The following RAD50 variants were observed in gnomAD, a reference collection of about 807,000 sequenced individuals.
The protein encoded by RAD50 is DNA repair protein RAD50.
In RAD50, 132 loss-of-function variants were observed where a neutral mutation model predicts 168.8. The observed-to-expected ratio is 0.78, with a 90% CI of 0.68 to 0.90. RAD50 has a LOEUF of 0.90. Among genes scored for constraint, RAD50 ranks in the 40% least tolerant of loss-of-function variants. The pLI is 0.00. For missense variants in RAD50, 1,347 were observed against 1,534.4 expected (o/e 0.88, Z 2.04); for synonymous variants, 525 against 497.4 (o/e 1.06, Z -0.74).
chr5:132,571,377 A>G (rs1398211123), intron 2 of RAD50, among the ~76,000 whole-genome samples: 1 of 152,238 alleles, frequency 6.6e-6, no homozygotes, highest in African/African-American at 2.4e-5. Context: ...AAGAAACAGT[A>G]GATGCTAAAA....
intron 11 of RAD50, among the ~76,000 whole-genome samples, chr5:132,594,281 G>A (rs945610540): frequency 6.6e-6 from 1 of 152,092 alleles, no homozygotes; most frequent in African/African-American, 2.4e-5. Flanking sequence ...TTACATGGTA[G>A]CTAATGCATC....
intron 2 of RAD50, among the ~76,000 whole-genome samples, chr5:132,565,680 G>A (rs1306850101): frequency 2.0e-5 from 3 of 152,078 alleles, no homozygotes; most frequent in Non-Finnish European, 4.4e-5. Flanking sequence ...GTGGCTTCTT[G>A]CAAGAATGCC....
At chr5:132,630,189 C>T (rs1376223696) in intron 21 of RAD50, among the ~76,000 whole-genome samples, 4 of 151,928 alleles carry the variant, frequency 2.6e-5, no homozygotes, top group East Asian at 1.9e-4. Flanking sequence ...ATTACAGGCG[C>T]CTGCCACCAC....
Position 132,638,241 on chromosome 5 carries a change from C to T in RAD50, c.3618+18C>T. 6.2e-7 allele frequency: 1 copy of T among 1,613,970 alleles called. No homozygotes were observed. The highest frequency in any genetic ancestry group is 1.1e-5 in the South Asian group (1 of 91,060). ...GACAAAAGGCAGGTATCTCAAAAGCCTGGGGAGCCAACTCACCCAAGTAAC... is the reference window on the plus strand; with the variant it reads ...GACAAAAGGCAGGTATCTCAAAAGCTTGGGGAGCCAACTCACCCAAGTAAC... On this transcript the variant is annotated intron_variant, in intron 23 of 24. Transcript: ENST00000378823.
intron 21 of RAD50, among the ~76,000 whole-genome samples, chr5:132,624,041 ATAAAT>A (rs1367683163): frequency 3.3e-5 from 5 of 152,244 alleles, no homozygotes; most frequent in South Asian, 2.1e-4. Flanking sequence ...TTTTTTAAAA[ATAAAT>A]TATACTAAGA....
rs1060501936 is a variant in RAD50 at position 132,603,989 on chromosome 5, C to T, written c.2467C>T (p.Arg823Ter). Residue 823 changes from arginine to a stop codon, truncating the protein, a stop_gained, in exon 15 of 25, where the codon CGA becomes TGA. Coordinates refer to ENST00000378823, the MANE Select transcript of RAD50 (RefSeq NM_005732.4). LOFTEE classifies it high-confidence loss of function. ...AAKLQGIDLD[R>*]TVQQVNQEKQ... ...TAAGCTACAAGGAATAGACTTAGAT[C>T]GAACTGTCCAACAAGTCAACCAGGA... 6.8e-6 allele frequency: 11 copies of T among 1,613,310 alleles called. No individual in the cohort carries two copies. The highest frequency in any genetic ancestry group is 7.6e-6 in the Non-Finnish European group (9 of 1,179,414).
chr5:132,602,718 T>C (rs2706375), intron 13 of RAD50, among the ~76,000 whole-genome samples: 4,283 of 152,302 alleles, frequency 0.028, 213 homozygotes, highest in African/African-American at 0.098. Flanking sequence ...AACATTGATA[T>C]AATGCTACTA....
chr5:132,595,616 T>C lies in RAD50; in HGVS notation c.2013T>C (p.Thr671=), dbSNP rs1345954274. 1.9e-6 allele frequency: 3 copies of C among 1,614,150 alleles called. No individual in the cohort carries two copies. The highest frequency in any genetic ancestry group is 3.3e-5 in the Admixed American group (2 of 60,032). Residue 671 remains threonine, a synonymous_variant, in exon 13 of 25, where the codon ACT becomes ACC. Coordinates refer to ENST00000378823, the MANE Select transcript of RAD50 (RefSeq NM_005732.4). ...CAGCAGTTTACTCCCAGTTCATTAC[T>C]CAGCTAACAGACGAAAACCAGTCAT... is the stretch of plus-strand genomic sequence containing the variant. ...GATAVYSQFI[T]QLTDENQSCC...
chr5:132,604,997 A>T lies in RAD50; in HGVS notation c.2716A>T (p.Lys906Ter). Residue 906 changes from lysine (K) to a stop codon, truncating the protein, a stop_gained and splice_region_variant, in exon 16 of 25, where the codon AAG becomes TAG. Transcript: ENST00000378823. LOFTEE classifies it high-confidence loss of function. ...AGTTCAGTCTTTGTACAGAGAGATAAAGGTAAGAATATCCATACATGTTTT... is the reference window on the plus strand; with the variant it reads ...AGTTCAGTCTTTGTACAGAGAGATATAGGTAAGAATATCCATACATGTTTT... ...TEVQSLYREI[K>*]DAKEQVSPLE... 6.3e-7 allele frequency: 1 copy of T among 1,598,208 alleles called. No homozygotes were observed. Among genetic ancestry groups the T allele is most frequent in the Non-Finnish European group, 8.6e-7 (1 of 1,166,850 alleles).
At chr5:132,564,497 T>C (rs1750174777) in intron 2 of RAD50, among the ~76,000 whole-genome samples, 1 of 152,184 alleles carries the variant, frequency 6.6e-6, no homozygotes, top group Non-Finnish European at 1.5e-5. Flanking sequence ...TTTCAACATG[T>C]GGCCTGGCTG....
chr5:132,609,476 G>T, intron 19 of RAD50, 80 bp downstream of exon 19: 1 of 1,562,350 alleles, frequency 6.4e-7, no homozygotes, highest in Non-Finnish European at 8.7e-7. Context: ...AAGATCCATT[G>T]AATAGAAATG....
chr5:132,614,450 G>A (rs1751139926), intron 19 of RAD50, among the ~76,000 whole-genome samples: 2 of 151,570 alleles, frequency 1.3e-5, no homozygotes, highest in Admixed American at 6.6e-5. Flanking sequence ...GCCTTTAGTA[G>A]ATACATATTC....
intron 23 of RAD50, among the ~76,000 whole-genome samples, chr5:132,639,809 G>A (rs1209872067): frequency 6.6e-6 from 1 of 152,210 alleles, no homozygotes; most frequent in Admixed American, 6.5e-5. Flanking sequence ...AGACAGGAAG[G>A]AAATGCCTGT....
intron 21 of RAD50, among the ~76,000 whole-genome samples, chr5:132,619,552 A>C (rs1751238727): frequency 6.6e-6 from 1 of 151,688 alleles, no homozygotes; most frequent in African/African-American, 2.4e-5. Context: ...GGTGTGAGGC[A>C]TTGTTCCTGG....
At chr5:132,622,554 G>C (rs1386972886) in intron 21 of RAD50, among the ~76,000 whole-genome samples, 2 of 152,034 alleles carry the variant, frequency 1.3e-5, no homozygotes, top group Non-Finnish European at 2.9e-5. Flanking sequence ...CAAAGTGCTA[G>C]GATTACAGAT....
At chr5:132,596,461 T>C (rs747186997) in intron 13 of RAD50, among the ~76,000 whole-genome samples, 54 of 152,350 alleles carry the variant, frequency 3.5e-4, no homozygotes, top group Middle Eastern at 3.4e-3. Context: ...TATTGAAAAG[T>C]TCTCCCAGAA....
intron 16 of RAD50, among the ~76,000 whole-genome samples, chr5:132,606,604 C>T (rs1750990040): frequency 6.6e-6 from 1 of 152,176 alleles, no homozygotes. Flanking sequence ...AGGGAATCCT[C>T]CCTAACTCAT....
At chr5:132,607,970 T>C (rs1328419332) in intron 16 of RAD50, among the ~76,000 whole-genome samples, 2 of 152,248 alleles carry the variant, frequency 1.3e-5, no homozygotes, top group African/African-American at 4.8e-5. Flanking sequence ...GATTTAGTGT[T>C]ACAAGGCTAA....
chr5:132,609,774 T>A (rs916914235), intron 19 of RAD50, among the ~76,000 whole-genome samples: 1 of 152,190 alleles, frequency 6.6e-6, no homozygotes, highest in Non-Finnish European at 1.5e-5. Context: ...ACAGCGAGAC[T>A]CTGTCTCTAA....
Sources: gnomAD v4.1 joint callset for allele counts (sites outside exome capture counted in the v4.1 genomes callset) on GRCh38, gnomAD v4.1.1 for gene constraint, MANE v1.5 for transcripts, NCBI Gene and HGNC (gene_info 2026-07-23, HGNC 2026-07-21) for gene names.